The following STXBP5L variants were observed in gnomAD, a reference collection of about 807,000 sequenced individuals.
The protein encoded by STXBP5L is syntaxin binding protein 5L.
STXBP5L carries 65 observed loss-of-function variants against 144.5 expected under a neutral mutation model. The observed-to-expected ratio is 0.45, with a 90% CI of 0.37 to 0.55. STXBP5L has a LOEUF of 0.55. Among genes scored for constraint, STXBP5L ranks in the 20% least tolerant of loss-of-function variants. The pLI is 0.00. For missense variants in STXBP5L, 1,298 were observed against 1,405.5 expected (o/e 0.92, Z 1.22); for synonymous variants, 505 against 469.6 (o/e 1.08, Z -0.97).
intron 19 of STXBP5L, among the ~76,000 whole-genome samples, chr3:121,318,246 C>T (rs2043849091): frequency 6.6e-6 from 1 of 151,686 alleles, no homozygotes; most frequent in Non-Finnish European, 1.5e-5. Flanking sequence ...TTGCTTCAGC[C>T]CAGGAGTTCA....
chr3:121,310,610 G>A lies in STXBP5L; in HGVS notation c.2111-7865G>A, dbSNP rs150069640. Among the ~76,000 whole-genome samples the A allele has an allele frequency of 1.1e-3, 163 of 150,512 alleles. 3 individuals are homozygous for A. The East Asian group carries it at 0.021, about 20-fold the overall frequency. On this transcript the variant is annotated intron_variant, in intron 19 of 26. Transcript: ENST00000471454. The stretch of plus-strand genomic sequence containing the variant: ...AGCCTGGGTGACAGAGGGAGACTCC[G>A]CCTCAAAAACAAAAGAGGCCAGGCA...
At chr3:120,981,235 TG>T (rs1395099302) in intron 3 of STXBP5L, among the ~76,000 whole-genome samples, 1 of 152,192 alleles carries the variant, frequency 6.6e-6, no homozygotes, top group Non-Finnish European at 1.5e-5. Context: ...CTTTCTTGTA[TG>T]TGAATGTCAA....
intron 5 of STXBP5L, among the ~76,000 whole-genome samples, chr3:121,095,130 C>T (rs551971916): frequency 9.8e-5 from 15 of 152,286 alleles, no homozygotes; most frequent in African/African-American, 2.9e-4. Flanking sequence ...TGTCTTCTGG[C>T]TTGTAGAGTT....
At chr3:121,064,738 G>T (rs549652691) in intron 5 of STXBP5L, among the ~76,000 whole-genome samples, 2 of 152,136 alleles carry the variant, frequency 1.3e-5, no homozygotes, top group African/African-American at 4.8e-5. Context: ...TTTAAAAAAT[G>T]TCAACTCTTA....
chr3:121,239,080 A>C lies in STXBP5L; in HGVS notation c.1294A>C (p.Ile432Leu). 4.4e-6 allele frequency: 7 copies of C among 1,600,738 alleles called. No homozygotes were observed. The highest frequency in any genetic ancestry group is 6.0e-6 in the Non-Finnish European group (7 of 1,174,154). Residue 432 changes from isoleucine to leucine, a missense_variant, in exon 13 of 27, where the codon ATA becomes CTA. Coordinates refer to ENST00000471454, the MANE Select transcript of STXBP5L (RefSeq NM_001308330.2). The part of the protein sequence containing the change: ...PPDLILVLYS[I>L]GVKHKKQGYS... Reference sequence around the variant, plus strand: ...GGATTTGATTCTAGTACTGTATTCTATAGGAGTCAAGCATAAAAAACAAGG... The same window carrying C: ...GGATTTGATTCTAGTACTGTATTCTCTAGGAGTCAAGCATAAAAAACAAGG...
intron 3 of STXBP5L, among the ~76,000 whole-genome samples, chr3:121,005,679 G>T (rs966176224): frequency 2.0e-5 from 3 of 152,110 alleles, no homozygotes; most frequent in Admixed American, 6.5e-5. Context: ...GCTTTCTCTT[G>T]TGGGCGTTTA....
At chr3:121,282,473 C>A (rs2051093744) in intron 19 of STXBP5L, 2 of 612,658 alleles carry the variant, frequency 3.3e-6, no homozygotes, top group Non-Finnish European at 2.7e-6. Context: ...TTATGGTGTG[C>A]AACCTGATAA....
At chr3:121,344,340 C>A (rs999662604) in intron 20 of STXBP5L, among the ~76,000 whole-genome samples, 5 of 152,088 alleles carry the variant, frequency 3.3e-5, no homozygotes, top group Non-Finnish European at 7.3e-5. Flanking sequence ...TAGGCATGGG[C>A]AAGGACTTCG....
At chr3:121,183,322 G>A (rs944389573) in intron 9 of STXBP5L, among the ~76,000 whole-genome samples, 5 of 152,156 alleles carry the variant, frequency 3.3e-5, no homozygotes, top group Non-Finnish European at 7.3e-5. Context: ...AAAATGAAAG[G>A]CATCCAAATT....
chr3:121,307,943 A>G (rs772407286), intron 19 of STXBP5L, among the ~76,000 whole-genome samples: 8 of 152,246 alleles, frequency 5.3e-5, no homozygotes, highest in Non-Finnish European at 8.8e-5. Flanking sequence ...CAATAAGAGA[A>G]AAATGACTTG....
chr3:121,039,038 A>G (rs1056510918), intron 3 of STXBP5L, among the ~76,000 whole-genome samples: 1 of 151,800 alleles, frequency 6.6e-6, no homozygotes, highest in African/African-American at 2.4e-5. Flanking sequence ...TTAGGTCTGC[A>G]TTTTTGTCTT....
intron 5 of STXBP5L, among the ~76,000 whole-genome samples, chr3:121,070,903 A>C (rs1179951802): frequency 2.0e-5 from 3 of 152,126 alleles, no homozygotes; most frequent in Admixed American, 1.3e-4. Context: ...GCCAATTCGG[A>C]CTTTAAACCC....
chr3:120,935,087 T>C (rs1302229819), intron 2 of STXBP5L, among the ~76,000 whole-genome samples: 3 of 151,920 alleles, frequency 2.0e-5, no homozygotes, highest in Non-Finnish European at 4.4e-5. Context: ...TTTGGTCTTA[T>C]ACTCTTTTTC....
At chr3:121,198,214 G>T (rs931206688) in intron 9 of STXBP5L, among the ~76,000 whole-genome samples, 3 of 152,108 alleles carry the variant, frequency 2.0e-5, no homozygotes, top group Non-Finnish European at 2.9e-5. Flanking sequence ...ATCTCATTGT[G>T]GTTTTGATTT....
chr3:121,113,545 G>T (rs1283986074), intron 5 of STXBP5L, among the ~76,000 whole-genome samples: 5 of 152,054 alleles, frequency 3.3e-5, no homozygotes, highest in Admixed American at 3.3e-4. Flanking sequence ...TGAATGTAGT[G>T]TGCAGGGTAC....
chr3:120,913,945 G>C (rs1231079743), intron 2 of STXBP5L, among the ~76,000 whole-genome samples: 1 of 152,018 alleles, frequency 6.6e-6, no homozygotes, highest in Non-Finnish European at 1.5e-5. Context: ...ATTTTGAACA[G>C]CTTCTTGGAG....
At chr3:121,068,511 A>C (rs957592329) in intron 5 of STXBP5L, among the ~76,000 whole-genome samples, 5 of 151,850 alleles carry the variant, frequency 3.3e-5, no homozygotes, top group Admixed American at 3.3e-4. Flanking sequence ...ATCTTTAATA[A>C]CTCTTTTTGA....
intron 5 of STXBP5L, among the ~76,000 whole-genome samples, chr3:121,081,300 G>A (rs148631259): frequency 1.2e-4 from 18 of 151,832 alleles, no homozygotes; most frequent in East Asian, 5.8e-4. Context: ...CCTTCCTCTG[G>A]TATTTCCTTG....
chr3:120,964,977 TAC>T (rs1229738776), intron 3 of STXBP5L, among the ~76,000 whole-genome samples: 1 of 152,230 alleles, frequency 6.6e-6, no homozygotes, highest in Non-Finnish European at 1.5e-5. Context: ...CATATATATT[TAC>T]AGTAGTTAGC....
Sources: allele counts gnomAD v4.1 joint callset (sites outside exome capture counted in the v4.1 genomes callset), GRCh38; gene constraint gnomAD v4.1.1; transcripts MANE v1.5; gene names NCBI Gene and HGNC (gene_info 2026-07-23, HGNC 2026-07-21).